The following PI16 variants were observed in gnomAD, a reference collection of about 807,000 sequenced individuals.
PI16 encodes the protein PSP94-binding protein.
In PI16, 35 loss-of-function variants were observed where a neutral mutation model predicts 38.0. The observed-to-expected ratio is 0.92, with a 90% CI of 0.70 to 1.22. The LOEUF (loss-of-function observed/expected upper bound fraction) is 1.22. Among genes scored for constraint, PI16 ranks in the 50% most tolerant of loss-of-function variants. The probability of loss-of-function intolerance (pLI) is 0.00; values close to 1 mark genes in which losing one functional copy is unlikely to be tolerated. For missense variants in PI16, 572 were observed against 593.8 expected (o/e 0.96, Z 0.38); for synonymous variants, 275 against 252.9 (o/e 1.09, Z -0.83).
Position 36,963,361 on chromosome 6 carries a change from A to C in PI16, c.1019A>C (p.Lys340Thr), listed in dbSNP as rs760273730. The part of the protein sequence containing the change: ...SRSPENSLDP[K>T]MSLTGARELL... ...AGCCCAGAGAACTCTCTGGACCCCAAGATGTCCCTGACAGGGGCAAGGGAA... is the reference window on the plus strand; with the variant it reads ...AGCCCAGAGAACTCTCTGGACCCCACGATGTCCCTGACAGGGGCAAGGGAA... Residue 340 changes from lysine to threonine, a missense_variant, in exon 5 of 7, where the codon AAG becomes ACG. Coordinates refer to ENST00000373674, the MANE Select transcript of PI16 (RefSeq NM_153370.3). 12 of 1,614,192 alleles carry C rather than the reference A, an allele frequency of 7.4e-6. No homozygotes were observed. In the East Asian group the frequency reaches 2.5e-4, roughly 33 times the overall value.
upstream of PI16, among the ~76,000 whole-genome samples, chr6:36,950,899 T>C (rs1210204418): frequency 1.3e-5 from 2 of 152,202 alleles, no homozygotes; most frequent in African/African-American, 4.8e-5. This position sits in a 1 kb window ranked among gnomAD's most constrained non-coding sequence, Gnocchi z 4.2. Context: ...TTCTGGCTCA[T>C]ATGGTAATTC....
Position 36,962,597 on chromosome 6 carries a change from C to A in PI16, c.593-338C>A, listed in dbSNP as rs901257732. On this transcript the variant is annotated intron_variant, in intron 4 of 6. Coordinates refer to ENST00000373674, the MANE Select transcript of PI16 (RefSeq NM_153370.3). The surrounding 1 kb of genome is among the most constrained non-coding windows in gnomAD (Gnocchi z 4.1). ...GAAGCAATTCTCCTGCCTCAGCCTT[C>A]CGAGTAGCTGGGACTACAGGCACGC... Among the ~76,000 whole-genome samples the A allele has an allele frequency of 2.0e-5, 3 of 152,128 alleles. No individual in the cohort carries two copies. Among genetic ancestry groups the A allele is most frequent in the Non-Finnish European group, 4.4e-5 (3 of 68,032 alleles).
chr6:36,954,913 C>G lies in PI16; in HGVS notation c.153C>G (p.Ala51=), dbSNP rs1342008124. ...ACCGGGCCCAGGTATCCCCGACGGCCTCAGACATGCTGCACATGGTAAGTG... is the reference window on the plus strand; with the variant it reads ...ACCGGGCCCAGGTATCCCCGACGGCGTCAGACATGCTGCACATGGTAAGTG... ...NLYRAQVSPT[A]SDMLHMRWDE... Residue 51 remains alanine, a synonymous_variant, in exon 1 of 7, where the codon GCC becomes GCG. Coordinates refer to ENST00000373674, the MANE Select transcript of PI16 (RefSeq NM_153370.3). The G allele has an allele frequency of 6.2e-7, 1 of 1,613,210 alleles. No individual in the cohort carries two copies. Among genetic ancestry groups the G allele is most frequent in the Non-Finnish European group, 8.5e-7 (1 of 1,179,964 alleles).
upstream of PI16, among the ~76,000 whole-genome samples, chr6:36,950,150 C>T (rs1003352857): frequency 1.7e-4 from 26 of 152,196 alleles, no homozygotes; most frequent in African/African-American, 6.3e-4. This position sits in a 1 kb window ranked among gnomAD's most constrained non-coding sequence, Gnocchi z 4.2. Flanking sequence ...ACTTGTTCCT[C>T]TTCCCAAACC....
Position 36,961,577 on chromosome 6 carries a change from A to G in PI16, c.503+17A>G. 1 of 1,609,724 alleles carries G rather than the reference A, an allele frequency of 6.2e-7. No homozygotes were observed. The highest frequency in any genetic ancestry group is 8.5e-7 in the Non-Finnish European group (1 of 1,176,142). ...TGAGCCTCCGTGAGTGCCGGGGGGA[A>G]CCCTGGAGATGGAGAGGGGGAAGGC... On this transcript the variant is annotated intron_variant, in intron 3 of 6. Coordinates refer to ENST00000373674, the MANE Select transcript of PI16 (RefSeq NM_153370.3).
chr6:36,952,276 G>A (rs1763114710), upstream of PI16, among the ~76,000 whole-genome samples: 1 of 152,164 alleles, frequency 6.6e-6, no homozygotes, highest in African/African-American at 2.4e-5. Context: ...TTACAGGCAT[G>A]AGCCACTACA....
chr6:36,959,433 G>A (rs1238187292), intron 2 of PI16, 67 bp downstream of exon 2: 16 of 1,450,350 alleles, frequency 1.1e-5, no homozygotes, highest in Non-Finnish European at 1.4e-5. Flanking sequence ...GTGCTCCCTG[G>A]GCGGGGCCAC....
chr6:36,954,019 T>G (rs1763144328), upstream of PI16, among the ~76,000 whole-genome samples: 1 of 152,096 alleles, frequency 6.6e-6, no homozygotes, highest in African/African-American at 2.4e-5. Flanking sequence ...ACAGCTAGAG[T>G]GGGGAAGACC....
chr6:36,959,172 G>A lies in PI16; in HGVS notation c.199G>A (p.Ala67Thr). The change falls in exon 2 of 7, where the codon GCC becomes ACC. Residue 67 changes from alanine (A) to threonine (T), a missense_variant. By Grantham distance (58) the Ala-to-Thr change is moderately conservative (BLOSUM62 0). Coordinates refer to ENST00000373674, the MANE Select transcript of PI16 (RefSeq NM_153370.3). ...MRWDEELAAF[A>T]KAYARQCVWG... The stretch of plus-strand genomic sequence containing the variant: ...ATGGGACGAGGAGCTGGCCGCCTTC[G>A]CCAAGGCCTACGCACGGCAGTGCGT... The A allele has an allele frequency of 6.2e-7, 1 of 1,610,156 alleles. No individual in the cohort carries two copies. Among genetic ancestry groups the A allele is most frequent in the East Asian group, 2.2e-5 (1 of 44,772 alleles).
upstream of PI16, among the ~76,000 whole-genome samples, chr6:36,952,928 G>A (rs926218332): frequency 6.6e-6 from 1 of 152,134 alleles, no homozygotes; most frequent in Non-Finnish European, 1.5e-5. Flanking sequence ...TCTAATCCAT[G>A]AATATAGGAT....
chr6:36,959,450 C>T, intron 2 of PI16, 84 bp downstream of exon 2: 1 of 1,338,370 alleles, frequency 7.5e-7, no homozygotes, highest in Non-Finnish European at 1.0e-6. Flanking sequence ...CCACCTCTGC[C>T]TTCACCCCTC....
rs1023436930 is a variant in PI16 at position 36,956,426 on chromosome 6, C to G, written c.171+1495C>G. ...GAGCTGCTTCTCAGACAGAGGTGCG[C>G]CTTGGAGTGGGGCAACATTCTGGGA... On this transcript the variant is annotated intron_variant, in intron 1 of 6. Coordinates refer to ENST00000373674, the MANE Select transcript of PI16 (RefSeq NM_153370.3). Among the ~76,000 whole-genome samples the G allele has an allele frequency of 2.6e-5, 4 of 152,110 alleles. No homozygotes were observed. In the East Asian group the frequency reaches 7.7e-4, roughly 29 times the overall value.
In PI16 at chr6:36,961,544, T is replaced by G. The variant is rs1763366335; in HGVS notation, c.487T>G (p.Cys163Gly). Residue 163 changes from cysteine to glycine, a missense_variant, in exon 3 of 7, where the codon TGC (cysteine) becomes GGC (glycine). Coordinates refer to ENST00000373674, the MANE Select transcript of PI16 (RefSeq NM_153370.3). ...VEETNIELLV[C>G]NYEPPGNVKG... ...GGAGACCAACATCGAATTACTGGTG[T>G]GCAACTATGAGCCTCCGTGAGTGCC... is the stretch of plus-strand genomic sequence containing the variant. 1 of 1,613,956 alleles carries G rather than the reference T, an allele frequency of 6.2e-7. No individual in the cohort carries two copies.
intron 1 of PI16, among the ~76,000 whole-genome samples, chr6:36,956,154 C>T (rs1583230867): frequency 6.6e-6 from 1 of 152,180 alleles, no homozygotes. Flanking sequence ...CTGCCCTGGG[C>T]GTCAGACAGG....
Position 36,954,884 on chromosome 6 carries a change from C to A in PI16, c.124C>A (p.Leu42Ile), listed in dbSNP as rs1437900168. 3 of 1,613,908 alleles carry A rather than the reference C, an allele frequency of 1.9e-6. No homozygotes were observed. The highest frequency in any genetic ancestry group is 2.5e-6 in the Non-Finnish European group (3 of 1,180,022). Residue 42 changes from leucine to isoleucine, a missense_variant, in exon 1 of 7, where the codon CTC becomes ATC. Physicochemically the swap from Leu to Ile is conservative, Grantham distance 5. Transcript: ENST00000373674. The part of the protein sequence containing the change: ...EKRLMVELHN[L>I]YRAQVSPTAS... ...ACGTTTGATGGTGGAGCTGCACAAC[C>A]TCTACCGGGCCCAGGTATCCCCGAC...
At chr6:36,953,956 G>A (rs1471904739), upstream of PI16, among the ~76,000 whole-genome samples, 1 of 152,218 alleles carries the variant, frequency 6.6e-6, no homozygotes, top group Non-Finnish European at 1.5e-5. Flanking sequence ...TGCATTCAGA[G>A]AGGATACCTG....
intron 1 of PI16, among the ~76,000 whole-genome samples, chr6:36,949,318 C>T (rs12525985): frequency 0.36 from 54,031 of 151,852 alleles, 9,836 homozygotes; most frequent in Middle Eastern, 0.43. Flanking sequence ...GATGGGGTTT[C>T]GTCATGTTGG....
intron 1 of PI16, among the ~76,000 whole-genome samples, chr6:36,955,482 C>T (rs1047119343): frequency 2.0e-4 from 30 of 152,018 alleles, no homozygotes; most frequent in African/African-American, 6.8e-4. Context: ...TCACACAGTC[C>T]AAATTCTGTC....
Position 36,959,373 on chromosome 6 carries a change from G to T in PI16, c.393+7G>T. ...GTGCGGCCACTACACGCAGGTGTGG[G>T]CCCGGCGGGCGAGGCGGGGCGGAGC... On this transcript the variant is annotated splice_region_variant and intron_variant, in intron 2 of 6. Coordinates refer to ENST00000373674, the MANE Select transcript of PI16 (RefSeq NM_153370.3). 1.9e-6 allele frequency: 3 copies of T among 1,545,506 alleles called. No individual in the cohort carries two copies. Among genetic ancestry groups the T allele is most frequent in the Non-Finnish European group, 2.6e-6 (3 of 1,145,026 alleles).
Sources: gnomAD v4.1 joint callset for allele counts (sites outside exome capture counted in the v4.1 genomes callset) on GRCh38, gnomAD v4.1.1 for gene constraint, Gnocchi (gnomAD v3.1) non-coding constraint, MANE v1.5 for transcripts, NCBI Gene and HGNC (gene_info 2026-07-23, HGNC 2026-07-21) for gene names.